Variants in UTRN observed in about 807,000 individuals in gnomAD.
The protein encoded by UTRN is dystrophin-related protein 1.
In UTRN, 283 loss-of-function variants were observed where a neutral mutation model predicts 463.9. The ratio of observed to expected loss-of-function variants is 0.61; its 90% CI spans 0.55 to 0.67. UTRN has a LOEUF of 0.67. UTRN is among the 30% of genes least tolerant of loss of function. The probability of loss-of-function intolerance (pLI) is 0.00; values close to 1 mark genes in which losing one functional copy is unlikely to be tolerated. For missense variants in UTRN, 3,922 were observed against 4,084.3 expected (o/e 0.96, Z 1.08); for synonymous variants, 1,442 against 1,431.5 (o/e 1.01, Z -0.17).
chr6:144,831,607 C>T (rs1445814001), intron 69 of UTRN, among the ~76,000 whole-genome samples: 6 of 152,108 alleles, frequency 3.9e-5, no homozygotes, highest in Admixed American at 2.6e-4. Context: ...TGAGTACGTT[C>T]GATTGACTCT....
At chr6:144,840,151 G>A (rs1025531195) in intron 72 of UTRN, among the ~76,000 whole-genome samples, 14 of 151,924 alleles carry the variant, frequency 9.2e-5, no homozygotes, top group Admixed American at 9.2e-4. Context: ...TCGCACCAAT[G>A]CACTCCAGCC....
intron 2 of UTRN, among the ~76,000 whole-genome samples, chr6:144,383,941 C>T (rs1781166982): frequency 6.6e-6 from 1 of 152,050 alleles, no homozygotes. Flanking sequence ...CTCCATTTGT[C>T]TTATAGGGGA....
chr6:144,569,261 A>G (rs905226553), intron 50 of UTRN, among the ~76,000 whole-genome samples: 3 of 152,110 alleles, frequency 2.0e-5, no homozygotes, highest in African/African-American at 7.2e-5. Context: ...TTAAACACAT[A>G]CATTCATTAT....
intron 61 of UTRN, among the ~76,000 whole-genome samples, chr6:144,788,293 T>C (rs1189955316): frequency 1.3e-5 from 2 of 152,188 alleles, no homozygotes; most frequent in Admixed American, 6.5e-5. Context: ...AAAAACTGCA[T>C]TGACAGAAAA....
intron 2 of UTRN, among the ~76,000 whole-genome samples, chr6:144,303,049 T>A (rs1279276795): frequency 6.6e-6 from 1 of 152,172 alleles, no homozygotes; most frequent in East Asian, 1.9e-4. Flanking sequence ...AGAACTGTTT[T>A]TCAGAAAGAT....
At chr6:144,380,976 CT>C (rs986704010) in intron 2 of UTRN, among the ~76,000 whole-genome samples, 2 of 151,370 alleles carry the variant, frequency 1.3e-5, no homozygotes, top group Non-Finnish European at 2.9e-5. Flanking sequence ...CAATTCCTTT[CT>C]TTTTTTCTTT....
At chr6:144,318,628 T>A (rs1775431973) in intron 2 of UTRN, among the ~76,000 whole-genome samples, 1 of 152,206 alleles carries the variant, frequency 6.6e-6, no homozygotes, top group African/African-American at 2.4e-5. Context: ...CACGCCTGGC[T>A]AATTTTTGTA....
intron 51 of UTRN, among the ~76,000 whole-genome samples, chr6:144,658,175 C>T (rs113705821): frequency 6.6e-6 from 1 of 152,208 alleles, no homozygotes; most frequent in East Asian, 1.9e-4. Context: ...ATCAAATGTG[C>T]GTTGAGGTGA....
chr6:144,594,301 C>G (rs1048618337), intron 51 of UTRN, among the ~76,000 whole-genome samples: 1 of 152,086 alleles, frequency 6.6e-6, no homozygotes, highest in African/African-American at 2.4e-5. Context: ...GTCACACAAC[C>G]CACTGGTACT....
intron 2 of UTRN, among the ~76,000 whole-genome samples, chr6:144,373,140 A>T (rs1440662037): frequency 1.3e-5 from 2 of 152,228 alleles, no homozygotes; most frequent in African/African-American, 4.8e-5. Context: ...TTGAGTTATC[A>T]TATAACTCAG....
rs138135504 is a variant in UTRN at position 144,557,246 on chromosome 6, T to A, written c.7224T>A (p.Asp2408Glu). 23 of 1,613,816 alleles carry A rather than the reference T, an allele frequency of 1.4e-5. No homozygotes were observed. Among genetic ancestry groups the A allele is most frequent in the Non-Finnish European group, 1.7e-5 (20 of 1,179,892 alleles). ...LQKLLEEYGS[D>E]DTRNVKETTE... Reference sequence around the variant, plus strand: ...AACTCCTGGAGGAATATGGGAGTGATGACACAAGGAATGTGAAAGAAACCA... The same window carrying A: ...AACTCCTGGAGGAATATGGGAGTGAAGACACAAGGAATGTGAAAGAAACCA... The change falls in exon 50 of 75, where the codon GAT becomes GAA. Residue 2408 changes from aspartate (D) to glutamate (E), a missense_variant. Transcript: ENST00000367545.
At position 144,491,049 on chromosome 6, in the gene UTRN, G is replaced by A; in HGVS notation, c.4384G>A (p.Asp1462Asn). 3 of 1,614,006 alleles carry A rather than the reference G, an allele frequency of 1.9e-6. No individual in the cohort carries two copies. The highest frequency in any genetic ancestry group is 2.5e-6 in the Non-Finnish European group (3 of 1,179,966). The change falls in exon 32 of 75, where the codon GAT becomes AAT. Residue 1462 changes from aspartate to asparagine, a missense_variant. By Grantham distance (23) the Asp-to-Asn change is conservative (BLOSUM62 1). Around this residue, in one of 3 missense-constraint regions of UTRN, gnomAD observed 2,349 missense variants for 2,303.8 expected, o/e 1.02. Coordinates refer to ENST00000367545, the MANE Select transcript of UTRN (RefSeq NM_007124.3). ...CGTGAAAGCAGAACTTCACGTTCTG[G>A]ATGTGAAGGACGTAGACCCTGACGT... is the stretch of plus-strand genomic sequence containing the variant. ...DGVKAELHVLDVKDVDPDVIQ... is the reference protein window; with the variant it reads ...DGVKAELHVLNVKDVDPDVIQ...
chr6:144,707,347 T>C (rs1785196723), intron 53 of UTRN, among the ~76,000 whole-genome samples: 1 of 152,192 alleles, frequency 6.6e-6, no homozygotes, highest in Non-Finnish European at 1.5e-5. Context: ...ACAATGGAGA[T>C]TGAGATAGTT....
intron 2 of UTRN, among the ~76,000 whole-genome samples, chr6:144,390,386 C>G (rs1193526982): frequency 6.6e-6 from 1 of 152,178 alleles, no homozygotes; most frequent in African/African-American, 2.4e-5. Flanking sequence ...CTTCCGGCCT[C>G]CCTCCCCATG....
At chr6:144,535,318 T>C (rs772555533) in intron 43 of UTRN, among the ~76,000 whole-genome samples, 1 of 152,200 alleles carries the variant, frequency 6.6e-6, no homozygotes, top group East Asian at 1.9e-4. Flanking sequence ...TGGCCTCAAG[T>C]TGATCTGCTG....
At chr6:144,301,547 T>C (rs1393023207) in intron 2 of UTRN, among the ~76,000 whole-genome samples, 3 of 132,534 alleles carry the variant, frequency 2.3e-5, no homozygotes, top group Admixed American at 1.4e-4. Context: ...TTTTTTTTTT[T>C]TTTTTTTTTT....
chr6:144,804,634 T>C (rs1302903540), intron 65 of UTRN, among the ~76,000 whole-genome samples: 2 of 152,134 alleles, frequency 1.3e-5, no homozygotes, highest in Non-Finnish European at 2.9e-5. Context: ...CAGCATCAGT[T>C]CCATCAGACC....
intron 51 of UTRN, among the ~76,000 whole-genome samples, chr6:144,602,351 C>G (rs1804344593): frequency 6.6e-6 from 1 of 151,534 alleles, no homozygotes; most frequent in African/African-American, 2.4e-5. Flanking sequence ...GTTGGCCAGG[C>G]TGGTCTTAAA....
Position 144,523,193 on chromosome 6 carries a change from G to T in UTRN, c.5906+5G>T. Reference sequence around the variant, plus strand: ...AATGTACAGTGATCGGAAAGGGTATGTGTAAATGAAATTAATATTTAATTT... The same window carrying T: ...AATGTACAGTGATCGGAAAGGGTATTTGTAAATGAAATTAATATTTAATTT... On this transcript the variant is annotated splice_donor_5th_base_variant and intron_variant, in intron 41 of 74. Coordinates refer to ENST00000367545, the MANE Select transcript of UTRN (RefSeq NM_007124.3). The T allele has an allele frequency of 6.6e-7, 1 of 1,525,316 alleles. No individual in the cohort carries two copies. Among genetic ancestry groups the T allele is most frequent in the Non-Finnish European group, 8.8e-7 (1 of 1,137,264 alleles). The allele number at this position is 1,525,316 out of a possible 1,614,324, so 94.5% of individuals were successfully genotyped here.
Sources: allele counts gnomAD v4.1 joint callset (sites outside exome capture counted in the v4.1 genomes callset), GRCh38; gene constraint gnomAD v4.1.1; regional missense constraint gnomAD v4.1.1; transcripts MANE v1.5; gene names NCBI Gene and HGNC (gene_info 2026-07-23, HGNC 2026-07-21).